The following NMT2 variants were observed in gnomAD, a reference collection of about 807,000 sequenced individuals.
The protein encoded by NMT2 is N-myristoyltransferase 2, also known as glycylpeptide N-tetradecanoyltransferase 2.
NMT2 carries 35 observed loss-of-function variants against 65.4 expected under a neutral mutation model. That is an observed-to-expected ratio of 0.54 (90% confidence interval 0.41 to 0.71). The LOEUF (loss-of-function observed/expected upper bound fraction) is 0.71. Ranked by LOEUF, NMT2 falls within the 30% of genes least tolerant of loss-of-function variation. NMT2 has a pLI of 0.00. For synonymous variants in NMT2, 226 were observed against 231.8 expected, an observed-to-expected ratio of 0.98 and a Z score of 0.23; for missense variants, 489 against 611.3, an observed-to-expected ratio of 0.80 and a Z score of 2.11.
Position 15,110,264 on chromosome 10 carries a change from CT to C in NMT2, c.1339-426del, listed in dbSNP as rs1162113050. Among the ~76,000 whole-genome samples the C allele has an allele frequency of 3.0e-4, 44 of 147,594 alleles. 1 individual carries two copies. The highest frequency in any genetic ancestry group is 1.4e-3 in the East Asian group (7 of 5,000). On this transcript the variant is annotated intron_variant, in intron 10 of 11. Coordinates refer to ENST00000378165, the MANE Select transcript of NMT2 (RefSeq NM_004808.3). ...CTCCAGCCTGAGCGACAGAGTGAGACTTTTTTTTTTTCTTTCTTTAAAAAGA... is the reference window on the plus strand; with the variant it reads ...CTCCAGCCTGAGCGACAGAGTGAGACTTTTTTTTTTCTTTCTTTAAAAAGA...
At chr10:15,155,942 G>A (rs944026200) in intron 1 of NMT2, among the ~76,000 whole-genome samples, 6 of 147,130 alleles carry the variant, frequency 4.1e-5, no homozygotes, top group African/African-American at 1.2e-4. Context: ...GAGAAAAGTC[G>A]CATCCAGGGC....
intron 1 of NMT2, among the ~76,000 whole-genome samples, chr10:15,150,823 G>C (rs551173154): frequency 1.2e-4 from 18 of 152,290 alleles, no homozygotes; most frequent in South Asian, 6.2e-4. Context: ...TCTAGACAAT[G>C]GCTGAACAAT....
intron 8 of NMT2, 47 bp downstream of exon 8, chr10:15,128,303 G>A (rs774664694): frequency 1.3e-5 from 13 of 1,034,756 alleles, no homozygotes; most frequent in South Asian, 1.0e-4. Flanking sequence ...TGCATTAAAA[G>A]CGTCAGTTGT....
intron 10 of NMT2, among the ~76,000 whole-genome samples, chr10:15,112,217 T>TATATATATATATATA (rs1554820299): frequency 3.9e-4 from 3 of 7,698 alleles, no homozygotes; most frequent in Non-Finnish European, 7.9e-4. Flanking sequence ...TATATATATA[T>TATATATATATATATA]TTTTTTTTTT....
At chr10:15,164,429 G>A (rs1833309272) in intron 1 of NMT2, among the ~76,000 whole-genome samples, 1 of 152,112 alleles carries the variant, frequency 6.6e-6, no homozygotes, top group African/African-American at 2.4e-5. Context: ...TAAGCAAGGG[G>A]ACAGATTTGG....
intron 7 of NMT2, among the ~76,000 whole-genome samples, chr10:15,129,262 A>G (rs1846193989): frequency 6.6e-6 from 1 of 152,188 alleles, no homozygotes; most frequent in Non-Finnish European, 1.5e-5. Context: ...TATTCCATTT[A>G]CTTAACGAAT....
At chr10:15,132,342 A>G (rs916573186) in intron 6 of NMT2, among the ~76,000 whole-genome samples, 5 of 152,200 alleles carry the variant, frequency 3.3e-5, no homozygotes, top group Non-Finnish European at 7.3e-5. Context: ...AGCAAAACCA[A>G]TCAGAGAGTT....
intron 10 of NMT2, chr10:15,111,651 A>T (rs966192668): frequency 7.9e-5 from 12 of 151,890 alleles, no homozygotes; most frequent in African/African-American, 2.9e-4. Flanking sequence ...GCAAAATGTG[A>T]TATAGAAGAA....
intron 8 of NMT2, among the ~76,000 whole-genome samples, chr10:15,126,824 G>A (rs748557974): frequency 3.2e-4 from 48 of 152,232 alleles, no homozygotes; most frequent in Admixed American, 1.9e-3. Context: ...GATAATAAAT[G>A]TTGTTTTAAG....
chr10:15,133,747 C>T (rs532202596), intron 3 of NMT2, among the ~76,000 whole-genome samples: 13 of 152,126 alleles, frequency 8.5e-5, no homozygotes, highest in East Asian at 5.8e-4. Context: ...ACACAGTGCC[C>T]GGCTAATTGT....
chr10:15,168,690 T>C lies in NMT2; in HGVS notation c.-78A>G. ...CAGCTCCCTCTAGTGCCTCCCGCCG[T>C]ACTGCTTGGAGTCGGAGCCCGGGCG... On this transcript the variant is annotated 5_prime_UTR_variant, in exon 1 of 12. Transcript: ENST00000378165. 9.2e-7 allele frequency: 1 copy of C among 1,086,190 alleles called. No homozygotes were observed. Among genetic ancestry groups the C allele is most frequent in the Non-Finnish European group, 1.3e-6 (1 of 782,156 alleles). The allele number at this position is 1,086,190 out of a possible 1,614,324, so 67.3% of individuals were successfully genotyped here.
In NMT2 at chr10:15,168,601, G is replaced by C; in HGVS notation, c.12C>G (p.Asp4Glu). The change falls in exon 1 of 12, where the codon GAC (aspartate) becomes GAG (glutamate). Residue 4 changes from aspartate (D) to glutamate (E), a missense_variant. By Grantham distance (45) the Asp-to-Glu change is conservative. Coordinates refer to ENST00000378165, the MANE Select transcript of NMT2 (RefSeq NM_004808.3). MAE[D>E]SESAASQQSL... ...TCTGCTGGCTGGCCGCAGACTCGCT[G>C]TCCTCCGCCATCGCGGCGGCGCTGG... 1 of 1,581,114 alleles carries C rather than the reference G, an allele frequency of 6.3e-7. No individual in the cohort carries two copies. The highest frequency in any genetic ancestry group is 1.1e-5 in the South Asian group (1 of 88,976).
At position 15,107,794 on chromosome 10, in the gene NMT2, A is replaced by G. The variant is rs533736082; in HGVS notation, c.*1401T>C. 61 of 985,724 alleles carry G rather than the reference A, an allele frequency of 6.2e-5. No homozygotes were observed. In the South Asian group the frequency reaches 2.2e-3, roughly 35 times the overall value. 61.1% of individuals were successfully genotyped at this position (985,724 alleles called of 1,614,324 possible). Reference sequence around the variant, plus strand: ...GTGGTATCTGAGTTGAGGCCAGGCTACGTGGCCTCGGTTAGCATCTTATTT... The same window carrying G: ...GTGGTATCTGAGTTGAGGCCAGGCTGCGTGGCCTCGGTTAGCATCTTATTT... On this transcript the variant is annotated 3_prime_UTR_variant, in exon 12 of 12. Coordinates refer to ENST00000378165, the MANE Select transcript of NMT2 (RefSeq NM_004808.3).
chr10:15,145,587 C>T (rs1022196013), intron 1 of NMT2, among the ~76,000 whole-genome samples: 2 of 152,096 alleles, frequency 1.3e-5, no homozygotes, highest in African/African-American at 2.4e-5. Context: ...GCTACGTTGG[C>T]CAGGACAGTC....
chr10:15,133,059 AG>A lies in NMT2; in HGVS notation c.595del (p.Leu199CysfsTer30). 6.2e-7 allele frequency: 1 copy of A among 1,613,876 alleles called. No homozygotes were observed. ...MFRFDYSPEF[L>X]LWALRPPGWL... ...TGTGATCGATGAGACTTACCACAAC[AG>A]GAACTCGGGTGAATAGTCAAATCGG... On this transcript the variant is annotated frameshift_variant, in exon 5 of 12. Coordinates refer to ENST00000378165, the MANE Select transcript of NMT2 (RefSeq NM_004808.3). LOFTEE classifies it high-confidence loss of function.
chr10:15,112,202 A>T (rs1589288744), intron 10 of NMT2, among the ~76,000 whole-genome samples: 1 of 16,492 alleles, frequency 6.1e-5, no homozygotes, highest in African/African-American at 2.8e-4. Flanking sequence ...ATATATATAT[A>T]TATATATATA....
Position 15,109,120 on chromosome 10 carries a change from T to A in NMT2, c.*75A>T. On this transcript the variant is annotated 3_prime_UTR_variant, in exon 12 of 12. Coordinates refer to ENST00000378165, the MANE Select transcript of NMT2 (RefSeq NM_004808.3). ...ACTTGAGTTGTGCTTTTATTCTTCT[T>A]TGGAATGGCAGTTCCAGAAATCATT... The A allele has an allele frequency of 6.3e-7, 1 of 1,579,060 alleles. No homozygotes were observed. Among genetic ancestry groups the A allele is most frequent in the South Asian group, 1.2e-5 (1 of 84,904 alleles).
intron 2 of NMT2, among the ~76,000 whole-genome samples, chr10:15,136,397 G>T (rs1371109971): frequency 2.8e-5 from 4 of 141,026 alleles, no homozygotes; most frequent in Non-Finnish European, 6.1e-5. Flanking sequence ...AGGAAGGTAG[G>T]GGGGAGAGAC....
intron 2 of NMT2, chr10:15,140,876 T>G (rs1846730050): frequency 9.8e-7 from 1 of 1,023,402 alleles, no homozygotes; most frequent in Admixed American, 2.0e-5. Context: ...CTGGACAACT[T>G]CTGGTTTGGT....
Sources: allele counts gnomAD v4.1 joint callset (sites outside exome capture counted in the v4.1 genomes callset), GRCh38; gene constraint gnomAD v4.1.1; transcripts MANE v1.5; gene names NCBI Gene and HGNC (gene_info 2026-07-23, HGNC 2026-07-21).